RBFOX3: variants seen among roughly 807,000 people sequenced by gnomAD.
RBFOX3 encodes the protein RNA binding protein fox-1 homolog 3.
In RBFOX3, 17 loss-of-function variants were observed where a neutral mutation model predicts 48.7. The observed-to-expected ratio is 0.35, with a 90% confidence interval of 0.24 to 0.52. The LOEUF (loss-of-function observed/expected upper bound fraction) is 0.52, where lower values mean the gene tolerates loss of function less well. Among genes scored for constraint, RBFOX3 ranks in the 20% least tolerant of loss-of-function variants. The probability of loss-of-function intolerance (pLI) is 0.94; values close to 1 mark genes in which losing one functional copy is unlikely to be tolerated. For missense variants in RBFOX3, 382 were observed against 497.5 expected (o/e 0.77, Z 2.21); for synonymous variants, 212 against 209.5 (o/e 1.01, Z -0.10).
chr17:79,319,688 G>C (rs1568034318), intron 2 of RBFOX3, among the ~76,000 whole-genome samples: 1 of 151,716 alleles, frequency 6.6e-6, no homozygotes. Flanking sequence ...CTATATCTGG[G>C]CTGCTGGTCT....
At chr17:79,123,547 G>C (rs1378039197) in intron 4 of RBFOX3, among the ~76,000 whole-genome samples, 1 of 151,992 alleles carries the variant, frequency 6.6e-6, no homozygotes, top group African/African-American at 2.4e-5. Context: ...AGAGCAGTGT[G>C]TCACACACAG....
intron 1 of RBFOX3, among the ~76,000 whole-genome samples, chr17:79,512,940 G>T (rs1207199776): frequency 1.0e-5 from 1 of 98,310 alleles, no homozygotes; most frequent in Admixed American, 1.0e-4. Flanking sequence ...TGTTACCATC[G>T]GGTACAGCCC....
At chr17:79,596,612 G>A (rs931995011) in intron 1 of RBFOX3, among the ~76,000 whole-genome samples, 1 of 152,214 alleles carries the variant, frequency 6.6e-6, no homozygotes, top group Admixed American at 6.5e-5. Flanking sequence ...AATGTTGATT[G>A]AGAATGGACT....
chr17:79,171,568 C>A (rs1013627194), intron 4 of RBFOX3, among the ~76,000 whole-genome samples: 3 of 152,160 alleles, frequency 2.0e-5, no homozygotes, highest in African/African-American at 7.2e-5. Flanking sequence ...CAGACCCCTG[C>A]ACTAGATCTC....
At chr17:79,625,436 G>C in the RBFOX3 span, among the ~76,000 whole-genome samples, 1 of 152,058 alleles carries the variant, frequency 6.6e-6, no homozygotes, top group Non-Finnish European at 1.5e-5. Context: ...CCAGGTTAGG[G>C]GTATCGTAAA....
At chr17:79,531,407 G>C (rs1194965492) in intron 1 of RBFOX3, among the ~76,000 whole-genome samples, 2 of 152,196 alleles carry the variant, frequency 1.3e-5, no homozygotes, top group South Asian at 2.1e-4. Context: ...AAGTGTTCTC[G>C]GCATCTGAGG....
At chr17:79,406,855 G>A (rs1453616152) in intron 2 of RBFOX3, among the ~76,000 whole-genome samples, 1 of 152,146 alleles carries the variant, frequency 6.6e-6, no homozygotes, top group Admixed American at 6.5e-5. Flanking sequence ...ATATTTGGGG[G>A]ATGCAAAGAA....
intron 1 of RBFOX3, among the ~76,000 whole-genome samples, chr17:79,573,806 TGCCC>T (rs2092765574): frequency 6.6e-6 from 1 of 152,208 alleles, no homozygotes; most frequent in East Asian, 1.9e-4. Flanking sequence ...TCTCTGAATC[TGCCC>T]GGTGGGGGGA....
At chr17:79,453,430 G>A (rs67629120) in intron 2 of RBFOX3, among the ~76,000 whole-genome samples, 36,519 of 152,030 alleles carry the variant, frequency 0.24, 4,427 homozygotes, top group Admixed American at 0.3. Flanking sequence ...GGCCAGCTCA[G>A]TGGTCACAGA....
In RBFOX3 at chr17:79,113,472, C is replaced by G. The variant is rs189349090; in HGVS notation, c.222+2022G>C. Reference sequence around the variant, plus strand: ...GATGAAAGATCTGCAGACCATGACCCTGAACCCTCTGCCAGACCTGAGAGA... The same window carrying G: ...GATGAAAGATCTGCAGACCATGACCGTGAACCCTCTGCCAGACCTGAGAGA... On this transcript the variant is annotated intron_variant, in intron 5 of 14. Coordinates refer to ENST00000693108, the MANE Select transcript of RBFOX3 (RefSeq NM_001350451.2). Among the ~76,000 whole-genome samples, 249 of 152,162 alleles carry G rather than the reference C, an allele frequency of 1.6e-3. 3 individuals are homozygous for G. The highest frequency in any genetic ancestry group is 1.1e-3 in the Non-Finnish European group (77 of 67,988).
At chr17:79,642,066 G>A in the RBFOX3 span, among the ~76,000 whole-genome samples, 2 of 152,102 alleles carry the variant, frequency 1.3e-5, no homozygotes, top group Non-Finnish European at 2.9e-5. Flanking sequence ...GGCAAAGTAA[G>A]AATGGACTAG....
intron 2 of RBFOX3, among the ~76,000 whole-genome samples, chr17:79,321,996 T>C (rs2078600170): frequency 6.6e-6 from 1 of 152,142 alleles, no homozygotes; most frequent in Non-Finnish European, 1.5e-5. Context: ...TGAGCCACCA[T>C]GCCCAGCCAG....
chr17:79,277,769 G>T (rs905159444), intron 3 of RBFOX3, among the ~76,000 whole-genome samples: 1 of 152,252 alleles, frequency 6.6e-6, no homozygotes, highest in Admixed American at 6.5e-5. Flanking sequence ...TGCTTGCAAG[G>T]GGAAGCAGAG....
intron 2 of RBFOX3, among the ~76,000 whole-genome samples, chr17:79,308,209 C>G (rs1598192838): frequency 6.6e-6 from 1 of 152,298 alleles, no homozygotes; most frequent in South Asian, 2.1e-4. Flanking sequence ...TCTCTCATGC[C>G]AGCAGAGCCT....
At chr17:79,499,500 C>T (rs2082101946) in intron 1 of RBFOX3, among the ~76,000 whole-genome samples, 1 of 152,124 alleles carries the variant, frequency 6.6e-6, no homozygotes, top group South Asian at 2.1e-4. Flanking sequence ...ACAAAGAAAC[C>T]CCAATGAGAG....
rs1160609005 is a variant in RBFOX3, at chr17:79,198,305, C to T, written c.-34+37461G>A. On this transcript the variant is annotated intron_variant, in intron 4 of 14. Transcript: ENST00000693108. This position sits in a 1 kb window ranked among gnomAD's most constrained non-coding sequence, Gnocchi z 8.2. ...ACCTCTCCATCCCACATGAGGCGAC[C>T]TTGCAGGCACAGGTGCGGACAGGAA... 6.6e-6 allele frequency among the ~76,000 whole-genome samples: 1 copy of T among 152,226 alleles called. No homozygotes were observed. The highest frequency in any genetic ancestry group is 1.5e-5 in the Non-Finnish European group (1 of 68,048).
At chr17:79,560,323 T>C (rs1388798935) in intron 1 of RBFOX3, among the ~76,000 whole-genome samples, 1 of 152,140 alleles carries the variant, frequency 6.6e-6, no homozygotes, top group Non-Finnish European at 1.5e-5. Flanking sequence ...CTTTGCGAAC[T>C]GCAGAGCAGA....
At chr17:79,097,667 A>AACCC in intron 10 of RBFOX3, 25 bp downstream of exon 10, 2 of 1,031,798 alleles carry the variant, frequency 1.9e-6, no homozygotes, top group Non-Finnish European at 2.7e-6. Flanking sequence ...GTCTCATCCC[A>AACCC]TCCCCGCCCC....
At chr17:79,373,087 G>A (rs952624779) in intron 2 of RBFOX3, among the ~76,000 whole-genome samples, 1 of 152,306 alleles carries the variant, frequency 6.6e-6, no homozygotes, top group African/African-American at 2.4e-5. Flanking sequence ...CAGAGGCCTG[G>A]CCTCCAAAGC....
Sources: gnomAD v4.1 joint callset for allele counts (sites outside exome capture counted in the v4.1 genomes callset) on GRCh38, gnomAD v4.1.1 for gene constraint, Gnocchi (gnomAD v3.1) non-coding constraint, MANE v1.5 for transcripts, NCBI Gene and HGNC (gene_info 2026-07-23, HGNC 2026-07-21) for gene names.